The following DAB1 variants were observed in gnomAD, a reference collection of about 807,000 sequenced individuals.
DAB1 encodes DAB adaptor protein 1.
In DAB1, 15 loss-of-function variants were observed where a neutral mutation model predicts 64.6. The observed-to-expected ratio is 0.23, with a 90% confidence interval of 0.16 to 0.36. DAB1 has a LOEUF of 0.36. Ranked by LOEUF, DAB1 falls within the 10% of genes least tolerant of loss-of-function variation. The pLI is 1.00. For synonymous variants in DAB1, 235 were observed against 251.9 expected (o/e 0.93, Z 0.64); for missense variants, 596 against 706.7 (o/e 0.84, Z 1.78).
At chr1:58,237,827 T>C (rs768246682) in intron 4 of DAB1, among the ~76,000 whole-genome samples, 2 of 152,230 alleles carry the variant, frequency 1.3e-5, no homozygotes, top group Non-Finnish European at 1.5e-5. Context: ...GCCCAGAAAG[T>C]AGACTGGTGA....
intron 5 of DAB1, among the ~76,000 whole-genome samples, chr1:57,948,120 T>C (rs1354705750): frequency 6.6e-6 from 1 of 152,204 alleles, no homozygotes; most frequent in Non-Finnish European, 1.5e-5. Context: ...AGCTCAGGTA[T>C]ATCTCTGGAA....
At chr1:57,303,660 AAAAC>A (rs997886984) in intron 1 of DAB1, among the ~76,000 whole-genome samples, 10 of 150,626 alleles carry the variant, frequency 6.6e-5, no homozygotes, top group Non-Finnish European at 1.2e-4. Flanking sequence ...ACTAGGTAGA[AAAAC>A]AAACAAACAA....
rs529305784 is a variant in DAB1 at position 57,721,959 on chromosome 1, AT to A, written n.552-72295del. On this transcript the variant is annotated intron_variant and non_coding_transcript_variant, in intron 6 of 20. Coordinates refer to the DAB1 transcript ENST00000485760. ...AGATACATAACTTGTCCAAGGCAGG[AT>A]TTTAAACCAGAGCTATTTTATACCT... is the stretch of plus-strand genomic sequence containing the variant. Among the ~76,000 whole-genome samples the A allele has an allele frequency of 9.8e-5, 15 of 152,294 alleles. No individual in the cohort carries two copies. The South Asian group carries it at 2.3e-3, about 23-fold the overall frequency.
intron 3 of DAB1, among the ~76,000 whole-genome samples, chr1:58,480,159 G>A (rs566620829): frequency 1.2e-4 from 19 of 152,148 alleles, no homozygotes; most frequent in African/African-American, 4.1e-4. Flanking sequence ...TCCTCCAGTC[G>A]TCTTGTTGAT....
At chr1:57,182,802 A>G (rs1663115689) in intron 2 of DAB1, among the ~76,000 whole-genome samples, 1 of 152,178 alleles carries the variant, frequency 6.6e-6, no homozygotes, top group Admixed American at 6.5e-5. Flanking sequence ...GAGAACCTTG[A>G]GCCCAGGTAC....
chr1:58,123,191 G>A (rs995050401), intron 5 of DAB1, among the ~76,000 whole-genome samples: 3 of 152,166 alleles, frequency 2.0e-5, no homozygotes, highest in African/African-American at 4.8e-5. Context: ...CCCATGGGGA[G>A]AGAAAAGACT....
intron 5 of DAB1, among the ~76,000 whole-genome samples, chr1:58,116,122 A>G (rs1398135163): frequency 6.6e-6 from 1 of 152,226 alleles, no homozygotes. Context: ...AAATAATTAA[A>G]TGGAAGTAGA....
chr1:57,377,130 C>T (rs936421273), intron 1 of DAB1, among the ~76,000 whole-genome samples: 2 of 152,084 alleles, frequency 1.3e-5, no homozygotes, highest in African/African-American at 2.4e-5. Flanking sequence ...ATTAGCTGGG[C>T]ATGGTGGCAC....
At chr1:57,612,221 A>G (rs115883030) in intron 7 of DAB1, among the ~76,000 whole-genome samples, 9 of 109,592 alleles carry the variant, frequency 8.2e-5, no homozygotes, top group African/African-American at 1.7e-4. Context: ...GTGTGTGTGC[A>G]TGTGTGTGCG....
intron 2 of DAB1, among the ~76,000 whole-genome samples, chr1:57,195,068 A>G: frequency 6.6e-6 from 1 of 152,230 alleles, no homozygotes; most frequent in South Asian, 2.1e-4. Flanking sequence ...TTCTACCTTC[A>G]ATAGGATGTG....
At chr1:58,532,562 C>G (rs1646450376) in intron 1 of DAB1, among the ~76,000 whole-genome samples, 1 of 152,184 alleles carries the variant, frequency 6.6e-6, no homozygotes, top group Non-Finnish European at 1.5e-5. Context: ...GTGTCTCACT[C>G]TGTCACCCAG....
chr1:57,074,304 G>T (rs1225896952), intron 4 of DAB1, among the ~76,000 whole-genome samples: 1 of 152,044 alleles, frequency 6.6e-6, no homozygotes, highest in Non-Finnish European at 1.5e-5. Context: ...CAGTTTTTTT[G>T]GTAGACAGAT....
intron 4 of DAB1, among the ~76,000 whole-genome samples, chr1:57,123,355 T>C (rs147993582): frequency 6.6e-6 from 1 of 152,268 alleles, no homozygotes; most frequent in Non-Finnish European, 1.5e-5. Flanking sequence ...AGCCCTACTT[T>C]ACAATTATAT....
At chr1:57,541,542 G>T (rs778341610) in intron 7 of DAB1, among the ~76,000 whole-genome samples, 1 of 152,104 alleles carries the variant, frequency 6.6e-6, no homozygotes, top group Non-Finnish European at 1.5e-5. Flanking sequence ...CCCACATCTA[G>T]GTTTGTAGGG....
chr1:57,159,429 T>C (rs1434498651), intron 2 of DAB1, among the ~76,000 whole-genome samples: 1 of 152,104 alleles, frequency 6.6e-6, no homozygotes, highest in Non-Finnish European at 1.5e-5. Context: ...GGTTCCCACA[T>C]GCAATGGCAA....
intron 2 of DAB1, among the ~76,000 whole-genome samples, chr1:57,192,366 G>A (rs1006120063): frequency 1.3e-5 from 2 of 150,566 alleles, no homozygotes; most frequent in Non-Finnish European, 2.9e-5. Flanking sequence ...TAAAATATGA[G>A]CACTGCATCT....
chr1:57,417,094 G>A (rs1302440960), intron 1 of DAB1, among the ~76,000 whole-genome samples: 1 of 152,120 alleles, frequency 6.6e-6, no homozygotes, highest in African/African-American at 2.4e-5. Flanking sequence ...ATCAAATTTA[G>A]GATAGTGACT....
chr1:58,049,364 G>A (rs1488977656), intron 5 of DAB1: 11 of 601,824 alleles, frequency 1.8e-5, no homozygotes, highest in Middle Eastern at 4.8e-4. Context: ...GCAAGCTGAC[G>A]AATGTATCTT....
At chr1:57,410,128 A>C (rs1425356693) in intron 1 of DAB1, among the ~76,000 whole-genome samples, 2 of 152,232 alleles carry the variant, frequency 1.3e-5, no homozygotes, top group African/African-American at 2.4e-5. Flanking sequence ...ACAGAAAAGG[A>C]TAAGAAAATA....
Sources: gnomAD v4.1 joint callset for allele counts (sites outside exome capture counted in the v4.1 genomes callset) on GRCh38, gnomAD v4.1.1 for gene constraint, MANE v1.5 for transcripts, NCBI Gene and HGNC (gene_info 2026-07-23, HGNC 2026-07-21) for gene names.